Variants in SPOCK3 observed in about 807,000 individuals in gnomAD.
SPOCK3 encodes the protein SPARC (osteonectin), cwcv and kazal like domains proteoglycan 3, also known as testican-3.
In SPOCK3, 30 loss-of-function variants were observed where a neutral mutation model predicts 56.6. The observed-to-expected ratio is 0.53, with a 90% confidence interval of 0.40 to 0.72. The LOEUF (loss-of-function observed/expected upper bound fraction) is 0.72, where lower values mean the gene tolerates loss of function less well. Among genes scored for constraint, SPOCK3 ranks in the 30% least tolerant of loss-of-function variants. The pLI is 0.00. For missense variants in SPOCK3, 527 were observed against 530.0 expected (o/e 0.99, Z 0.06); for synonymous variants, 196 against 183.3 (o/e 1.07, Z -0.56).
At chr4:167,207,285 C>G (rs1484773890) in intron 2 of SPOCK3, among the ~76,000 whole-genome samples, 1 of 151,696 alleles carries the variant, frequency 6.6e-6, no homozygotes, top group Non-Finnish European at 1.5e-5. Flanking sequence ...AAATAAACAC[C>G]TGCTTATAGA....
chr4:166,842,513 AC>A (rs1173110853), intron 6 of SPOCK3, among the ~76,000 whole-genome samples: 1 of 151,974 alleles, frequency 6.6e-6, no homozygotes, highest in East Asian at 1.9e-4. Context: ...GCATTTACAA[AC>A]CTTGAGCTAG....
At chr4:167,231,133 T>A (rs1737134217) in intron 2 of SPOCK3, among the ~76,000 whole-genome samples, 1 of 152,054 alleles carries the variant, frequency 6.6e-6, no homozygotes, top group South Asian at 2.1e-4. Context: ...ATACGTATAT[T>A]ACAAATATAT....
rs575811446 is a variant in SPOCK3 at position 167,000,266 on chromosome 4, G to T, written c.350+83C>A. On this transcript the variant is annotated intron_variant, in intron 4 of 10. Coordinates refer to ENST00000357545, the MANE Select transcript of SPOCK3 (RefSeq NM_001040159.2). ...AAAACTCTGCATAAAAGATTAGCAG[G>T]CACTGCCAAATATTTATACTCTGCA... is the stretch of plus-strand genomic sequence containing the variant. The T allele has an allele frequency of 1.6e-4, 94 of 603,632 alleles. 1 individual carries two copies. The highest frequency in any genetic ancestry group is 5.9e-4 in the South Asian group (22 of 37,500). 37.4% of individuals were successfully genotyped at this position (603,632 alleles called of 1,614,324 possible).
intron 4 of SPOCK3, among the ~76,000 whole-genome samples, chr4:166,987,696 T>C (rs1178918993): frequency 1.3e-5 from 2 of 152,180 alleles, no homozygotes; most frequent in East Asian, 3.8e-4. Flanking sequence ...TGTGGAAAAG[T>C]AGTTTCACTG....
intron 5 of SPOCK3, among the ~76,000 whole-genome samples, chr4:166,906,129 G>A (rs1368205911): frequency 6.6e-6 from 1 of 151,998 alleles, no homozygotes; most frequent in Admixed American, 6.6e-5. Context: ...GTATAACAAA[G>A]TTAGACTTTG....
chr4:167,119,170 C>T (rs537941032), intron 2 of SPOCK3, among the ~76,000 whole-genome samples: 11 of 151,954 alleles, frequency 7.2e-5, no homozygotes, highest in African/African-American at 2.7e-4. Flanking sequence ...TTCCTTTTCA[C>T]TATGGAGAAT....
chr4:166,941,205 G>A (rs1442997019), intron 4 of SPOCK3, among the ~76,000 whole-genome samples: 1 of 151,986 alleles, frequency 6.6e-6, no homozygotes, highest in African/African-American at 2.4e-5. Context: ...AAAAAAGCTG[G>A]TCAATTTCTA....
chr4:167,096,853 A>C (rs1338072002), intron 2 of SPOCK3, among the ~76,000 whole-genome samples: 1 of 151,872 alleles, frequency 6.6e-6, no homozygotes, highest in Non-Finnish European at 1.5e-5. Flanking sequence ...TGAAAGAGGA[A>C]GGTTGAAATC....
chr4:166,753,801 G>A (rs556486454), intron 8 of SPOCK3, among the ~76,000 whole-genome samples: 22 of 151,974 alleles, frequency 1.4e-4, no homozygotes, highest in African/African-American at 4.6e-4. Context: ...TTATCATAAT[G>A]TGAGTTTCTT....
intron 2 of SPOCK3, among the ~76,000 whole-genome samples, chr4:167,139,454 T>C (rs2150396174): frequency 6.6e-6 from 1 of 152,148 alleles, no homozygotes; most frequent in South Asian, 2.1e-4. Context: ...AAACCATATT[T>C]AAAATTATTG....
At chr4:167,160,817 TG>T (rs1425113893) in intron 2 of SPOCK3, among the ~76,000 whole-genome samples, 1 of 152,188 alleles carries the variant, frequency 6.6e-6, no homozygotes, top group Non-Finnish European at 1.5e-5. Flanking sequence ...TAAATGGTGC[TG>T]GGCAAACTGG....
chr4:167,146,349 C>T (rs192368438), intron 2 of SPOCK3, among the ~76,000 whole-genome samples: 1 of 152,194 alleles, frequency 6.6e-6, no homozygotes, highest in East Asian at 1.9e-4. Flanking sequence ...TAGACTCCCA[C>T]ACAAGAACTG....
intron 4 of SPOCK3, among the ~76,000 whole-genome samples, chr4:166,991,343 ATATTTATT>A (rs5863850): frequency 0.015 from 2,096 of 142,894 alleles, 29 homozygotes; most frequent in African/African-American, 0.041. Flanking sequence ...TTTTGTTTTT[ATATTTATT>A]TATTTATTTA....
chr4:166,924,829 G>A (rs1337279926), intron 4 of SPOCK3, among the ~76,000 whole-genome samples: 1 of 152,168 alleles, frequency 6.6e-6, no homozygotes, highest in Admixed American at 6.5e-5. Flanking sequence ...GCTGAAATGG[G>A]CAACTTAATC....
intron 6 of SPOCK3, among the ~76,000 whole-genome samples, chr4:166,824,000 G>A (rs190475397): frequency 1.1e-4 from 16 of 152,098 alleles, no homozygotes; most frequent in Non-Finnish European, 2.1e-4. Flanking sequence ...TCCCTAAGCT[G>A]CTGCTTCCAG....
At chr4:167,082,781 A>AGGGAGGGG in intron 2 of SPOCK3, among the ~76,000 whole-genome samples, 1 of 134,740 alleles carries the variant, frequency 7.4e-6, no homozygotes, top group African/African-American at 2.9e-5. Flanking sequence ...GGAGGGAGGG[A>AGGGAGGGG]AGGGAAGGAA....
At chr4:166,995,911 A>G (rs929341454) in intron 4 of SPOCK3, among the ~76,000 whole-genome samples, 13 of 152,278 alleles carry the variant, frequency 8.5e-5, no homozygotes, top group East Asian at 3.9e-4. Flanking sequence ...GTGGAACACT[A>G]TATAACTTAT....
chr4:166,985,612 G>A (rs765885045), intron 4 of SPOCK3, among the ~76,000 whole-genome samples: 2 of 152,058 alleles, frequency 1.3e-5, no homozygotes, highest in Non-Finnish European at 2.9e-5. Flanking sequence ...ATATTACAAA[G>A]TGTCAATATG....
intron 2 of SPOCK3, among the ~76,000 whole-genome samples, chr4:167,175,447 T>C (rs1480659842): frequency 1.3e-5 from 2 of 152,180 alleles, no homozygotes; most frequent in Non-Finnish European, 1.5e-5. Flanking sequence ...AAAACAATGA[T>C]TATGGATTTT....
Sources: gnomAD v4.1 joint callset for allele counts (sites outside exome capture counted in the v4.1 genomes callset) on GRCh38, gnomAD v4.1.1 for gene constraint, MANE v1.5 for transcripts, NCBI Gene and HGNC (gene_info 2026-07-23, HGNC 2026-07-21) for gene names.